Variants in SPOPL observed in about 807,000 individuals in gnomAD.
The protein encoded by SPOPL is speckle-type POZ protein-like.
Under a neutral mutation model 53.8 loss-of-function variants are expected in SPOPL, and 23 were observed. That is an observed-to-expected ratio of 0.43 (90% CI 0.31 to 0.61). SPOPL has a LOEUF of 0.61. Among genes scored for constraint, SPOPL ranks in the 20% least tolerant of loss-of-function variants. SPOPL has a pLI of 0.12. For synonymous variants in SPOPL, 164 were observed against 149.7 expected (o/e 1.10, Z -0.70); for missense variants, 442 against 466.9 (o/e 0.95, Z 0.49).
At chr2:138,530,922 AGTGTGTGTGT>A (rs10673306) in intron 1 of SPOPL, among the ~76,000 whole-genome samples, 76 of 148,056 alleles carry the variant, frequency 5.1e-4, no homozygotes, top group African/African-American at 1.8e-3. Context: ...CTGTAGAGTG[AGTGTGTGTGT>A]GTGTGTGTGT....
At chr2:138,528,597 A>G (rs1430188634) in intron 1 of SPOPL, among the ~76,000 whole-genome samples, 1 of 152,210 alleles carries the variant, frequency 6.6e-6, no homozygotes, top group East Asian at 1.9e-4. Context: ...CATTTTTCTC[A>G]AAGTTCCGTC....
At chr2:138,557,198 C>T (rs190587841) in intron 5 of SPOPL, among the ~76,000 whole-genome samples, 1 of 152,030 alleles carries the variant, frequency 6.6e-6, no homozygotes, top group East Asian at 1.9e-4. Context: ...GTCTAGTCTT[C>T]CTTTGGTACA....
intron 1 of SPOPL, among the ~76,000 whole-genome samples, chr2:138,531,899 C>G (rs1684818216): frequency 6.6e-6 from 1 of 151,988 alleles, no homozygotes; most frequent in Non-Finnish European, 1.5e-5. Flanking sequence ...AGATGATAAT[C>G]TTTTAGACAG....
At position 138,505,594 on chromosome 2, in the gene SPOPL, TAAAAAAAAAAAAA is replaced by T. The variant is rs1169614974; in HGVS notation, c.-61+3491_-61+3503del. Among the ~76,000 whole-genome samples, 6 of 75,090 alleles carry T rather than the reference TAAAAAAAAAAAAA, an allele frequency of 8.0e-5. No homozygotes were observed. In the East Asian group the frequency reaches 2.6e-3, roughly 33 times the overall value. The allele number at this position is 75,090 out of a possible 152,430, so 49.3% of individuals were successfully genotyped here. A position where few individuals can be genotyped will look rare whatever the true frequency, so the allele number is the denominator to read the frequency against. On this transcript the variant is annotated intron_variant, in intron 1 of 10. Coordinates refer to ENST00000280098, the MANE Select transcript of SPOPL (RefSeq NM_001001664.3). ...CAACATGGTGAAACTGTGTCTCTTC[TAAAAAAAAAAAAA>T]AAAAAAAAAAAAAAATAGTTAGTTG...
Position 138,537,628 on chromosome 2 carries a change from G to GAAATGTTGACATCC in SPOPL, c.-60-12528_-60-12515dup, listed in dbSNP as rs1326088083. On this transcript the variant is annotated intron_variant, in intron 1 of 10. Transcript: ENST00000280098. The stretch of plus-strand genomic sequence containing the variant: ...GTCTTCTCCCTTAGAGGCAGGATGA[G>GAAATGTTGACATCC]AAATGTTGACATCCTTCCTGTCACA... 3.9e-5 allele frequency among the ~76,000 whole-genome samples: 6 copies of GAAATGTTGACATCC among 152,200 alleles called. No homozygotes were observed. The East Asian group carries it at 1.2e-3, about 29-fold the overall frequency.
In SPOPL at chr2:138,569,767, T is replaced by G. The variant is rs1685742764; in HGVS notation, c.*687T>G. 2.0e-5 allele frequency: 3 copies of G among 152,598 alleles called. No homozygotes were observed. Among genetic ancestry groups the G allele is most frequent in the South Asian group, 4.1e-4 (2 of 4,830 alleles). 9.5% of individuals were successfully genotyped at this position (152,598 alleles called of 1,614,324 possible). On this transcript the variant is annotated 3_prime_UTR_variant, in exon 11 of 11. Transcript: ENST00000280098. ...TACAATTATTGAGAACTGATTGAGG[T>G]TAAGATTTCATGAAGAAAGCATGTA...
chr2:138,502,142 C>A (rs1316884379), intron 1 of SPOPL, 23 bp downstream of exon 1: 1 of 152,618 alleles, frequency 6.6e-6, no homozygotes, highest in African/African-American at 2.4e-5. Context: ...TCCCCTCCCC[C>A]CAGTCCCCGC....
intron 1 of SPOPL, among the ~76,000 whole-genome samples, chr2:138,523,345 C>T (rs570875062): frequency 7.2e-5 from 11 of 152,126 alleles, no homozygotes; most frequent in Non-Finnish European, 1.6e-4. Context: ...CCACCAGGTC[C>T]CTGCCACAAC....
rs56383537 is a variant in SPOPL at position 138,531,763 on chromosome 2, A to G, written c.-60-18394A>G. ...CATTTGATTCTTTTAAAATTAAATT[A>G]TTGGTAAAACTCTGTTGCCTGTTGG... On this transcript the variant is annotated intron_variant, in intron 1 of 10. Transcript: ENST00000280098. Among the ~76,000 whole-genome samples the G allele has an allele frequency of 9.5e-3, 1,426 of 149,910 alleles. 27 individuals are homozygous for G. Among genetic ancestry groups the G allele is most frequent in the African/African-American group, 0.033 (1,358 of 41,440 alleles).
chr2:138,521,979 C>T (rs1194819459), intron 1 of SPOPL, among the ~76,000 whole-genome samples: 1 of 152,170 alleles, frequency 6.6e-6, no homozygotes, highest in Admixed American at 6.5e-5. Context: ...CTAGTTCAGC[C>T]TTCAGACTAG....
At chr2:138,525,382 A>G (rs1684648625) in intron 1 of SPOPL, among the ~76,000 whole-genome samples, 1 of 152,216 alleles carries the variant, frequency 6.6e-6, no homozygotes, top group Admixed American at 6.5e-5. Flanking sequence ...TTGGGTGGGA[A>G]CACAGAGCCA....
chr2:138,516,567 A>C (rs1257275884), intron 1 of SPOPL, among the ~76,000 whole-genome samples: 1 of 152,180 alleles, frequency 6.6e-6, no homozygotes, highest in Non-Finnish European at 1.5e-5. Flanking sequence ...CACAGGGTGC[A>C]CTCATCCAAG....
rs57208490 is a variant in SPOPL at position 138,567,372 on chromosome 2, A to AGTGTGTGTGTGTGT, written c.1035-1515_1035-1502dup. ...TTTTAACAATGAGAAAGAGCAGTAT[A>AGTGTGTGTGTGTGT]GTGTGTGTGTGTGTGTGTGTGTGTG... On this transcript the variant is annotated intron_variant, in intron 10 of 10. Transcript: ENST00000280098. Among the ~76,000 whole-genome samples, 265 of 113,034 alleles carry AGTGTGTGTGTGTGT rather than the reference A, an allele frequency of 2.3e-3. 4 individuals carry two copies. The highest frequency in any genetic ancestry group is 4.7e-3 in the Middle Eastern group (1 of 214). The allele number at this position is 113,034 out of a possible 152,430, so 74.2% of individuals were successfully genotyped here. A position where few individuals can be genotyped will look rare whatever the true frequency, so the allele number is the denominator to read the frequency against.
chr2:138,505,270 C>T (rs1684189585), intron 1 of SPOPL, among the ~76,000 whole-genome samples: 1 of 152,030 alleles, frequency 6.6e-6, no homozygotes, highest in Non-Finnish European at 1.5e-5. Flanking sequence ...TTATGTCAAG[C>T]CTTATATATG....
chr2:138,542,824 C>G (rs1685103997), intron 1 of SPOPL, among the ~76,000 whole-genome samples: 1 of 152,108 alleles, frequency 6.6e-6, no homozygotes, highest in African/African-American at 2.4e-5. Flanking sequence ...CAGTTTCTTC[C>G]TAGCCTCGAT....
At position 138,502,084 on chromosome 2, in the gene SPOPL, C is replaced by T. The variant is rs1322726858; in HGVS notation, c.-96C>T. ...CACCGCCTCAGCGGGAGAGGAGTCT[C>T]CACCAGGACTGACCGCTGCCGCCCA... On this transcript the variant is annotated 5_prime_UTR_variant, in exon 1 of 11. Transcript: ENST00000280098. 1 of 152,482 alleles carries T rather than the reference C, an allele frequency of 6.6e-6. No homozygotes were observed. Among genetic ancestry groups the T allele is most frequent in the Non-Finnish European group, 1.5e-5 (1 of 68,284 alleles). 9.4% of individuals were successfully genotyped at this position (152,482 alleles called of 1,614,324 possible). A position where few individuals can be genotyped will look rare whatever the true frequency, so the allele number is the denominator to read the frequency against.
chr2:138,568,834 G>A, intron 10 of SPOPL, 102 bp from the exon 11 acceptor site: 2 of 1,216,250 alleles, frequency 1.6e-6, no homozygotes, highest in South Asian at 2.8e-5. Flanking sequence ...GGTAAAAAGT[G>A]TTCAAATATT....
At chr2:138,541,818 A>T (rs1478463659) in intron 1 of SPOPL, among the ~76,000 whole-genome samples, 2 of 151,792 alleles carry the variant, frequency 1.3e-5, no homozygotes, top group African/African-American at 4.8e-5. Context: ...AGTTCTTTTA[A>T]TTGTGATATT....
Position 138,550,948 on chromosome 2 carries a change from C to T in SPOPL, c.246C>T (p.Asp82=), listed in dbSNP as rs1473505515. ...NPKGLDDESK[D]YLSLYLLLVS... The stretch of plus-strand genomic sequence containing the variant: ...AGGGATTAGATGATGAAAGTAAAGA[C>T]TACTTGTCCTTATATTTGCTTTTAG... The change falls in exon 4 of 11, where the codon GAC becomes GAT. Residue 82 remains aspartate (D), a synonymous_variant. Coordinates refer to ENST00000280098, the MANE Select transcript of SPOPL (RefSeq NM_001001664.3). The T allele has an allele frequency of 6.2e-7, 1 of 1,613,314 alleles. No individual in the cohort carries two copies. The highest frequency in any genetic ancestry group is 1.7e-5 in the Admixed American group (1 of 59,976).
Sources: allele counts gnomAD v4.1 joint callset (sites outside exome capture counted in the v4.1 genomes callset), GRCh38; gene constraint gnomAD v4.1.1; transcripts MANE v1.5; gene names NCBI Gene and HGNC (gene_info 2026-07-23, HGNC 2026-07-21).